Variants in ZFHX4 observed in about 807,000 individuals in gnomAD.
The protein encoded by ZFHX4 is zinc finger homeobox protein 4.
ZFHX4 carries 56 observed loss-of-function variants against 267.6 expected under a neutral mutation model. That is an observed-to-expected ratio of 0.21 (90% CI 0.17 to 0.26). The LOEUF is 0.26. Ranked by LOEUF, ZFHX4 falls within the 10% of genes least tolerant of loss-of-function variation. The pLI, the probability that ZFHX4 is intolerant of heterozygous loss-of-function variation, is 1.00. For missense variants in ZFHX4, 4,332 were observed against 4,420.0 expected (o/e 0.98, Z 0.56); for synonymous variants, 1,778 against 1,665.6 (o/e 1.07, Z -1.64).
chr8:76,713,000 G>C (rs564288034), intron 3 of ZFHX4, among the ~76,000 whole-genome samples: 1 of 152,284 alleles, frequency 6.6e-6, no homozygotes, highest in South Asian at 2.1e-4. Flanking sequence ...TAAATAAAGA[G>C]GAGTTGGTTT....
intron 4 of ZFHX4, among the ~76,000 whole-genome samples, chr8:76,810,766 G>A (rs1811357002): frequency 6.6e-6 from 1 of 152,156 alleles, no homozygotes; most frequent in South Asian, 2.1e-4. Flanking sequence ...AACAATTGTT[G>A]CAGGTATATT....
At chr8:76,775,408 A>C (rs1810376677) in intron 3 of ZFHX4, among the ~76,000 whole-genome samples, 1 of 152,176 alleles carries the variant, frequency 6.6e-6, no homozygotes, top group Non-Finnish European at 1.5e-5. Context: ...TCTTTACAGA[A>C]AGAAACAAAG....
chr8:76,828,410 C>T (rs964462682), intron 4 of ZFHX4, among the ~76,000 whole-genome samples: 2 of 152,148 alleles, frequency 1.3e-5, no homozygotes, highest in Non-Finnish European at 2.9e-5. Context: ...ACTTCTGCTG[C>T]CCTGTGCCTT....
intron 3 of ZFHX4, among the ~76,000 whole-genome samples, chr8:76,761,044 T>C (rs1406161622): frequency 1.3e-5 from 2 of 151,966 alleles, no homozygotes; most frequent in East Asian, 1.9e-4. Flanking sequence ...ACAGCTATAA[T>C]GTGTGAGAGT....
chr8:76,744,320 T>C (rs1353592472), intron 3 of ZFHX4, among the ~76,000 whole-genome samples: 4 of 152,072 alleles, frequency 2.6e-5, no homozygotes, highest in Admixed American at 6.5e-5. Flanking sequence ...CACTTTAGCC[T>C]GGGCGACAGA....
chr8:76,860,985 G>A (rs1454261649), intron 10 of ZFHX4, among the ~76,000 whole-genome samples: 1 of 152,064 alleles, frequency 6.6e-6, no homozygotes, highest in Non-Finnish European at 1.5e-5. Flanking sequence ...ATGCTTGTGG[G>A]CCCCCAAAGG....
rs1368221230 is a variant in ZFHX4 at position 76,863,488 on chromosome 8, A to T, written c.9774A>T (p.Ile3258=). 1.2e-6 allele frequency: 2 copies of T among 1,613,636 alleles called. No individual in the cohort carries two copies. The highest frequency in any genetic ancestry group is 2.2e-5 in the South Asian group (2 of 90,978). ...TTGCTGGTGACCCAGCTTCCTTTAT[A>T]GGCGGACAGTTCTTGCCATACTTTA... ...NAIAGDPASF[I]GGQFLPYFIP... Residue 3258 remains isoleucine, a synonymous_variant, in exon 11 of 11, where the codon ATA becomes ATT. Transcript: ENST00000651372.
In ZFHX4 at chr8:76,854,655, A is replaced by T. The variant is rs1322973997; in HGVS notation, c.7734A>T (p.Leu2578=). The change falls in exon 10 of 11, where the codon CTA becomes CTT. Residue 2578 remains leucine, a synonymous_variant. Coordinates refer to ENST00000651372, the MANE Select transcript of ZFHX4 (RefSeq NM_024721.5). ...CCCCCACAACGGTTGCTGCTTCCCTAAAAAGGAAACTAGACGATAAAGAAG... is the reference window on the plus strand; with the variant it reads ...CCCCCACAACGGTTGCTGCTTCCCTTAAAAGGAAACTAGACGATAAAGAAG... ...TTAPTTVAAS[L]KRKLDDKEDN... is the part of the protein sequence containing the mutation. 1 of 1,613,610 alleles carries T rather than the reference A, an allele frequency of 6.2e-7. No homozygotes were observed. Among genetic ancestry groups the T allele is most frequent in the African/African-American group, 1.3e-5 (1 of 74,884 alleles).
At chr8:76,713,001 G>A (rs1215719723) in intron 3 of ZFHX4, among the ~76,000 whole-genome samples, 2 of 152,132 alleles carry the variant, frequency 1.3e-5, no homozygotes, top group Non-Finnish European at 2.9e-5. Flanking sequence ...AAATAAAGAG[G>A]AGTTGGTTTG....
chr8:76,864,712 T>C lies in ZFHX4; in HGVS notation c.*147T>C. 3.5e-6 allele frequency: 2 copies of C among 579,570 alleles called. No individual in the cohort carries two copies. Among genetic ancestry groups the C allele is most frequent in the South Asian group, 6.4e-5 (2 of 31,152 alleles). The allele number at this position is 579,570 out of a possible 1,614,324, so 35.9% of individuals were successfully genotyped here. The stretch of plus-strand genomic sequence containing the variant: ...CAGGATTGTTTTTCCCATATTGATA[T>C]GCTGGCAATATAGGATGGTATGTAA... On this transcript the variant is annotated 3_prime_UTR_variant, in exon 11 of 11. Transcript: ENST00000651372.
At chr8:76,712,223 A>AT (rs926325157) in intron 3 of ZFHX4, among the ~76,000 whole-genome samples, 69 of 152,106 alleles carry the variant, frequency 4.5e-4, no homozygotes, top group Non-Finnish European at 1.9e-4. Flanking sequence ...CCCGTGGAGC[A>AT]TTTTTTGGGT....
chr8:76,714,829 G>T (rs1225888127), intron 3 of ZFHX4, among the ~76,000 whole-genome samples: 1 of 152,124 alleles, frequency 6.6e-6, no homozygotes, highest in African/African-American at 2.4e-5. Flanking sequence ...AACTCATTCT[G>T]CTCACCAATA....
Position 76,854,097 on chromosome 8 carries a change from T to G in ZFHX4, c.7176T>G (p.Ile2392Met). The change falls in exon 10 of 11, where the codon ATT becomes ATG. Residue 2392 changes from isoleucine to methionine, a missense_variant. Coordinates refer to ENST00000651372, the MANE Select transcript of ZFHX4 (RefSeq NM_024721.5). ...GCTCTGGGACCAGCACCCCCCTGATTCCATCACCCAAACCAGAACCTGAGA... is the reference window on the plus strand; with the variant it reads ...GCTCTGGGACCAGCACCCCCCTGATGCCATCACCCAAACCAGAACCTGAGA... ...SSGSGTSTPL[I>M]PSPKPEPEKT... The G allele has an allele frequency of 6.2e-7, 1 of 1,613,744 alleles. No homozygotes were observed.
Position 76,853,920 on chromosome 8 carries a change from G to A in ZFHX4, c.6999G>A (p.Lys2333=). 1.2e-6 allele frequency: 2 copies of A among 1,613,904 alleles called. No individual in the cohort carries two copies. Among genetic ancestry groups the A allele is most frequent in the Non-Finnish European group, 8.5e-7 (1 of 1,179,874 alleles). ...RIFDLITHQK[K]QCYKDEDDDA... The stretch of plus-strand genomic sequence containing the variant: ...TTGACTTGATTACGCATCAGAAAAA[G>A]CAGTGTTACAAGGATGAAGATGATG... The change falls in exon 10 of 11, where the codon AAG becomes AAA. Residue 2333 remains lysine (K), a synonymous_variant. Transcript: ENST00000651372.
chr8:76,705,940 T>A lies in ZFHX4; in HGVS notation c.1852T>A (p.Cys618Ser). The change falls in exon 2 of 11, where the codon TGC (cysteine) becomes AGC (serine). Residue 618 changes from cysteine (C) to serine (S), a missense_variant. Transcript: ENST00000651372. ...SPGSGIECPK[C>S]DTVLGSSRSL... is the part of the protein sequence containing the mutation. ...GGGCAGTGGCATCGAGTGTCCAAAG[T>A]GCGACACTGTGTTGGGGTCTTCGAG... 1 of 1,612,510 alleles carries A rather than the reference T, an allele frequency of 6.2e-7. No individual in the cohort carries two copies. Among genetic ancestry groups the A allele is most frequent in the Non-Finnish European group, 8.5e-7 (1 of 1,179,630 alleles).
At chr8:76,707,090 G>A (rs1808296614) in intron 2 of ZFHX4, among the ~76,000 whole-genome samples, 2 of 152,112 alleles carry the variant, frequency 1.3e-5, no homozygotes, top group South Asian at 4.1e-4. Flanking sequence ...ATATTTTAAT[G>A]GCTGTGATCC....
intron 3 of ZFHX4, among the ~76,000 whole-genome samples, chr8:76,757,842 G>A (rs1340331231): frequency 6.6e-6 from 1 of 151,784 alleles, no homozygotes; most frequent in Non-Finnish European, 1.5e-5. Flanking sequence ...AATGAAGGGA[G>A]TCTTAGTGCG....
intron 3 of ZFHX4, among the ~76,000 whole-genome samples, chr8:76,753,361 C>G (rs1199818566): frequency 6.6e-6 from 1 of 152,136 alleles, no homozygotes; most frequent in African/African-American, 2.4e-5. Flanking sequence ...TTAGCAAATT[C>G]TGTGTCCCCT....
chr8:76,801,686 A>C (rs891109039), intron 4 of ZFHX4, among the ~76,000 whole-genome samples: 2 of 152,214 alleles, frequency 1.3e-5, no homozygotes, highest in African/African-American at 4.8e-5. Flanking sequence ...TGCTGTAAAT[A>C]ATAAAAAGTA....
Sources: gnomAD v4.1 joint callset for allele counts (sites outside exome capture counted in the v4.1 genomes callset) on GRCh38, gnomAD v4.1.1 for gene constraint, MANE v1.5 for transcripts, NCBI Gene and HGNC (gene_info 2026-07-23, HGNC 2026-07-21) for gene names.